DNAH3: variants seen among roughly 807,000 people sequenced by gnomAD.
DNAH3 encodes dynein axonemal heavy chain 3.
Under a neutral mutation model 432.5 loss-of-function variants are expected in DNAH3, and 332 were observed. The observed-to-expected ratio is 0.77, with a 90% CI of 0.70 to 0.84. The LOEUF is 0.84. Among genes scored for constraint, DNAH3 ranks in the 40% least tolerant of loss-of-function variants. DNAH3 has a pLI of 0.00. For synonymous variants in DNAH3, 1,956 were observed against 1,900.2 expected (o/e 1.03, Z -0.76); for missense variants, 4,861 against 5,114.0 (o/e 0.95, Z 1.51).
At chr16:20,975,810 T>C (rs1190591071) in intron 50 of DNAH3, among the ~76,000 whole-genome samples, 1 of 151,950 alleles carries the variant, frequency 6.6e-6, no homozygotes, top group East Asian at 1.9e-4. Context: ...AGTGGCATGA[T>C]CTTGGCTCAC....
chr16:20,963,138 G>T (rs372360493), intron 53 of DNAH3, 146 bp downstream of exon 53: 6 of 740,880 alleles, frequency 8.1e-6, no homozygotes, highest in Non-Finnish European at 1.3e-5. Flanking sequence ...AGAAAAGGAC[G>T]AGTTCCGTGG....
exon 48 of DNAH3, chr16:20,985,200 C>A (rs1000678858): frequency 6.2e-7 from 1 of 1,614,056 alleles, no homozygotes; most frequent in Non-Finnish European, 8.5e-7. Flanking sequence ...AGATGTTAGG[C>A]ACGTCACCTG....
chr16:20,943,370 A>T (rs547486218), intron 58 of DNAH3, among the ~76,000 whole-genome samples: 1 of 151,626 alleles, frequency 6.6e-6, no homozygotes, highest in South Asian at 2.1e-4. Context: ...GAGCCATGGC[A>T]CCCAGCCCTC....
chr16:21,074,974 A>T (rs971412905), intron 21 of DNAH3, among the ~76,000 whole-genome samples: 1 of 152,188 alleles, frequency 6.6e-6, no homozygotes, highest in Non-Finnish European at 1.5e-5. Flanking sequence ...AAATTGATCA[A>T]TATTATCTGG....
exon 53 of DNAH3, chr16:20,965,263 A>G (rs778239004): frequency 1.9e-6 from 3 of 1,613,572 alleles, no homozygotes. Context: ...TACATTTTTA[A>G]TGACAGCTGG....
intron 42 of DNAH3, among the ~76,000 whole-genome samples, chr16:21,002,370 A>G (rs1364743589): frequency 1.3e-5 from 2 of 152,244 alleles, no homozygotes; most frequent in South Asian, 2.1e-4. Flanking sequence ...GATCAAGAAA[A>G]TCTTTCTCTG....
At chr16:20,964,896 A>G in exon 53 of DNAH3, 2 of 1,614,182 alleles carry the variant, frequency 1.2e-6, no homozygotes, top group East Asian at 2.2e-5. Context: ...ACACGTCACC[A>G]GTCAGATTAG....
chr16:21,039,740 G>C (rs921524507), intron 33 of DNAH3, 112 bp downstream of exon 33: 2 of 870,106 alleles, frequency 2.3e-6, no homozygotes, highest in African/African-American at 3.3e-5. Flanking sequence ...GCAGAAGCAA[G>C]TTTCTCAAGC....
At chr16:21,050,429 C>T (rs1463603026) in intron 29 of DNAH3, among the ~76,000 whole-genome samples, 1 of 152,136 alleles carries the variant, frequency 6.6e-6, no homozygotes, top group Non-Finnish European at 1.5e-5. Context: ...ATTTCTCCAA[C>T]TAGATTATGA....
intron 48 of DNAH3, among the ~76,000 whole-genome samples, chr16:20,984,394 G>C (rs112013982): frequency 0.011 from 1,619 of 152,220 alleles, 28 homozygotes; most frequent in African/African-American, 0.037. Context: ...AGATAAGAGA[G>C]TGGATATGAG....
chr16:21,055,014 C>T (rs992510164), intron 27 of DNAH3, among the ~76,000 whole-genome samples: 5 of 151,072 alleles, frequency 3.3e-5, no homozygotes, highest in Non-Finnish European at 5.9e-5. Context: ...ACCTCCCAAA[C>T]TGGAAACTTT....
chr16:21,055,619 TAA>T (rs2090105277), intron 27 of DNAH3, among the ~76,000 whole-genome samples: 1 of 152,024 alleles, frequency 6.6e-6, no homozygotes, highest in Non-Finnish European at 1.5e-5. Flanking sequence ...AAAGAAAACT[TAA>T]AAAGGAAAAA....
chr16:20,987,231 C>G lies in DNAH3; in HGVS notation c.7026+74G>C, dbSNP rs1321176285. 5.7e-6 allele frequency: 9 copies of G among 1,574,416 alleles called. No individual in the cohort carries two copies. The East Asian group carries it at 1.6e-4, about 28-fold the overall frequency. ...TGGCAGTCTCCAACAGGAAGGGAAC[C>G]TGAAATCTGAAAGTAACGTGGTTAA... On this transcript the variant is annotated intron_variant, in intron 47 of 61. Coordinates refer to ENST00000261383, the Ensembl canonical transcript of DNAH3.
intron 37 of DNAH3, among the ~76,000 whole-genome samples, chr16:21,030,014 A>C (rs1419901306): frequency 6.6e-6 from 1 of 152,002 alleles, no homozygotes; most frequent in African/African-American, 2.4e-5. Flanking sequence ...TTTTTTGTAG[A>C]GATGGCTCAC....
chr16:20,936,685 G>A lies in DNAH3; in HGVS notation c.11823C>T (p.Tyr3941=), dbSNP rs769858867. 6.2e-6 allele frequency: 10 copies of A among 1,605,718 alleles called. 1 individual carries two copies. In the Admixed American group the frequency reaches 1.0e-4, roughly 16 times the overall value. Residue 3941 remains tyrosine (Y), a synonymous_variant, in exon 60 of 62, where the codon TAC becomes TAT. Coordinates refer to ENST00000261383, the Ensembl canonical transcript of DNAH3. ...TCAGGCGGGCCAGCAGGTCAGCCAC[G>A]TAGCCCCCCAGAGGCTTCAGTGATG... is the stretch of plus-strand genomic sequence containing the variant.
Position 21,049,722 on chromosome 16 carries a change from T to C in DNAH3, c.4348-40A>G, listed in dbSNP as rs375745725. The C allele has an allele frequency of 1.4e-5, 22 of 1,566,668 alleles. No homozygotes were observed. In the African/African-American group the frequency reaches 3.0e-4, roughly 21 times the overall value. ...GATGTGGGTATCATTCAGGGTGGATTCCATCCCATCTGAATTACCCCGCAC... is the reference window on the plus strand; with the variant it reads ...GATGTGGGTATCATTCAGGGTGGATCCCATCCCATCTGAATTACCCCGCAC... On this transcript the variant is annotated intron_variant, in intron 30 of 61. Coordinates refer to ENST00000261383, the Ensembl canonical transcript of DNAH3.
At chr16:21,111,414 T>C (rs1460640538) in intron 14 of DNAH3, among the ~76,000 whole-genome samples, 2 of 152,092 alleles carry the variant, frequency 1.3e-5, no homozygotes, top group East Asian at 3.8e-4. Context: ...ACAAATGCCC[T>C]CCACCCGCCT....
intron 41 of DNAH3, among the ~76,000 whole-genome samples, chr16:21,009,739 A>G (rs1473827702): frequency 1.3e-5 from 2 of 152,152 alleles, no homozygotes; most frequent in Non-Finnish European, 2.9e-5. Context: ...TTAGCCAGGC[A>G]TGGTGGCATG....
At chr16:21,129,151 C>T (rs1345990997) in intron 7 of DNAH3, 1 of 153,066 alleles carries the variant, frequency 6.5e-6, no homozygotes, top group African/African-American at 2.4e-5. Context: ...CCCCCCCTCC[C>T]CATCTCCTCT....
Sources: allele counts gnomAD v4.1 joint callset (sites outside exome capture counted in the v4.1 genomes callset), GRCh38; gene constraint gnomAD v4.1.1; transcripts MANE v1.5; gene names NCBI Gene and HGNC (gene_info 2026-07-23, HGNC 2026-07-21).